TTC29: variants seen among roughly 807,000 people sequenced by gnomAD.
TTC29 encodes the protein tetratricopeptide repeat domain 29.
TTC29 carries 49 observed loss-of-function variants against 58.1 expected under a neutral mutation model. The observed-to-expected ratio is 0.84, with a 90% CI of 0.67 to 1.07. The LOEUF is 1.07. Ranked by LOEUF, TTC29 falls within the 50% of genes least tolerant of loss-of-function variation. The pLI, the probability that TTC29 is intolerant of heterozygous loss-of-function variation, is 0.00. For synonymous variants in TTC29, 209 were observed against 196.8 expected (o/e 1.06, Z -0.52); for missense variants, 582 against 555.6 (o/e 1.05, Z -0.48).
intron 6 of TTC29, among the ~76,000 whole-genome samples, chr4:146,897,799 A>G (rs1404335386): frequency 6.6e-6 from 1 of 152,204 alleles, no homozygotes. Flanking sequence ...AGTAAATGGA[A>G]TATTTGTCTA....
intron 11 of TTC29, among the ~76,000 whole-genome samples, chr4:146,775,805 C>T (rs1284089447): frequency 6.6e-6 from 1 of 152,002 alleles, no homozygotes; most frequent in Non-Finnish European, 1.5e-5. Context: ...GCCTCTCTGG[C>T]GAGGTTGGGA....
intron 10 of TTC29, among the ~76,000 whole-genome samples, chr4:146,816,407 G>A (rs1412700815): frequency 6.6e-6 from 1 of 152,096 alleles, no homozygotes; most frequent in Non-Finnish European, 1.5e-5. Context: ...AGTCAATAAA[G>A]GCAAAGAAAT....
intron 11 of TTC29, among the ~76,000 whole-genome samples, chr4:146,723,969 C>T (rs1179776035): frequency 6.6e-6 from 1 of 152,178 alleles, no homozygotes; most frequent in Non-Finnish European, 1.5e-5. Context: ...GACATGGAGC[C>T]AACCTAGTTT....
At chr4:146,867,626 G>A (rs370260572) in intron 7 of TTC29, 43 bp from the exon 8 acceptor site, 3 of 921,470 alleles carry the variant, frequency 3.3e-6, no homozygotes, top group South Asian at 3.5e-5. Flanking sequence ...TTCAATAAAT[G>A]ATTTATTACA....
chr4:146,784,822 A>G (rs1579665797), intron 11 of TTC29, among the ~76,000 whole-genome samples: 1 of 152,328 alleles, frequency 6.6e-6, no homozygotes, highest in Admixed American at 6.5e-5. Flanking sequence ...CTTTATCTGA[A>G]AAAATGGAGG....
chr4:146,826,517 C>A (rs13148208), intron 9 of TTC29, among the ~76,000 whole-genome samples: 105 of 152,094 alleles, frequency 6.9e-4, no homozygotes, highest in Non-Finnish European at 1.2e-3. Flanking sequence ...GGTGACCTGG[C>A]CTTTCTTTCT....
intron 8 of TTC29, among the ~76,000 whole-genome samples, chr4:146,864,182 T>A (rs190365051): frequency 3.3e-5 from 5 of 152,202 alleles, no homozygotes; most frequent in Non-Finnish European, 5.9e-5. Context: ...ATATCCAAAA[T>A]TGAACTCTCC....
At chr4:146,731,402 T>C (rs1368965106) in intron 11 of TTC29, among the ~76,000 whole-genome samples, 4 of 152,106 alleles carry the variant, frequency 2.6e-5, no homozygotes, top group African/African-American at 7.2e-5. Context: ...AGGTTAGTGA[T>C]CACAACTTCA....
At position 146,909,202 on chromosome 4, in the gene TTC29, T is replaced by A. The variant is rs1413609027; in HGVS notation, c.224A>T (p.Asp75Val). The A allele has an allele frequency of 6.2e-7, 1 of 1,613,638 alleles. No homozygotes were observed. The highest frequency in any genetic ancestry group is 1.1e-5 in the South Asian group (1 of 91,068). The change falls in exon 5 of 13, where the codon GAT becomes GTT. Residue 75 changes from aspartate to valine, a missense_variant. Coordinates refer to ENST00000325106, the MANE Select transcript of TTC29 (RefSeq NM_031956.4). ...CTCGGTGAAGGACTTATGATAACCA[T>A]CTCGCAGCATGTCCACACAGATATT... ...KKNICVDMLR[D>V]GYHKSFTELF... is the part of the protein sequence containing the mutation.
At chr4:146,803,429 TAA>T in intron 11 of TTC29, 26 bp downstream of exon 11, 1 of 1,434,228 alleles carries the variant, frequency 7.0e-7, no homozygotes, top group Non-Finnish European at 9.5e-7. Context: ...ATATGAAAAC[TAA>T]AGTGTTCTAA....
intron 4 of TTC29, among the ~76,000 whole-genome samples, chr4:146,912,472 C>T (rs1267984406): frequency 1.3e-5 from 2 of 151,970 alleles, no homozygotes; most frequent in African/African-American, 2.4e-5. Flanking sequence ...CCTGAAGCCC[C>T]GAGTAGTGCG....
intron 11 of TTC29, among the ~76,000 whole-genome samples, chr4:146,755,302 C>T (rs899154950): frequency 6.6e-6 from 1 of 152,078 alleles, no homozygotes; most frequent in Non-Finnish European, 1.5e-5. Context: ...ACTATCTAAG[C>T]AATATAAAGT....
chr4:146,803,459 G>A lies in TTC29; in HGVS notation c.1328C>T (p.Thr443Ile). 6.4e-7 allele frequency: 1 copy of A among 1,571,722 alleles called. No individual in the cohort carries two copies. Residue 443 changes from threonine (T) to isoleucine (I), a missense_variant and splice_region_variant, in exon 11 of 13, where the codon ACT becomes ATT. By Grantham distance (89) the Thr-to-Ile change is moderately conservative. Transcript: ENST00000325106. ...TGTTCTAAAAACCAATGCCTTACCA[G>A]TAACTGGATCAGGTTCAATGTTACC... Reference protein sequence around the residue: ...SRGNIEPDPVTEEFRGSTVEA... With the variant: ...SRGNIEPDPVIEEFRGSTVEA...
intron 4 of TTC29, among the ~76,000 whole-genome samples, chr4:146,926,948 T>A (rs548465760): frequency 6.6e-6 from 1 of 151,770 alleles, no homozygotes; most frequent in African/African-American, 2.4e-5. Context: ...AATACAAAAA[T>A]TAGCTGAGTG....
chr4:146,826,604 A>T (rs1220944574), intron 9 of TTC29, among the ~76,000 whole-genome samples: 1 of 151,588 alleles, frequency 6.6e-6, no homozygotes, highest in Non-Finnish European at 1.5e-5. Context: ...TGATCTTCTC[A>T]TGGAGTATCT....
chr4:146,869,119 AC>A (rs1427896353), intron 7 of TTC29, among the ~76,000 whole-genome samples: 4 of 144,220 alleles, frequency 2.8e-5, no homozygotes, highest in African/African-American at 1.1e-4. Context: ...AAAAAAAAAA[AC>A]CTCTTTTCTT....
chr4:146,762,361 T>C (rs1288634580), intron 11 of TTC29, among the ~76,000 whole-genome samples: 4 of 151,486 alleles, frequency 2.6e-5, no homozygotes, highest in Admixed American at 2.0e-4. Context: ...TTTTTTTTTT[T>C]TCCTGTGAGT....
chr4:146,725,582 A>G (rs932119658), intron 11 of TTC29, among the ~76,000 whole-genome samples: 7 of 152,128 alleles, frequency 4.6e-5, no homozygotes, highest in African/African-American at 1.7e-4. Flanking sequence ...GGCTAATTCC[A>G]CGTAACTAAA....
At chr4:146,707,669 G>GGT (rs1742074223) in intron 11 of TTC29, 118 bp from the exon 12 acceptor site, 1 of 656,410 alleles carries the variant, frequency 1.5e-6, no homozygotes, top group South Asian at 2.1e-5. Context: ...ATAAGATAAG[G>GGT]GTGTATGTAT....
Sources: gnomAD v4.1 joint callset for allele counts (sites outside exome capture counted in the v4.1 genomes callset) on GRCh38, gnomAD v4.1.1 for gene constraint, MANE v1.5 for transcripts, NCBI Gene and HGNC (gene_info 2026-07-23, HGNC 2026-07-21) for gene names.